AGAP3: variants seen among roughly 807,000 people sequenced by gnomAD.
The protein encoded by AGAP3 is arf-GAP with GTPase, ANK repeat and PH domain-containing protein 3.
Under a neutral mutation model 96.9 loss-of-function variants are expected in AGAP3, and 24 were observed. That is an observed-to-expected ratio of 0.25 (90% CI 0.18 to 0.35). The LOEUF is 0.35. Ranked by LOEUF, AGAP3 falls within the 10% of genes least tolerant of loss-of-function variation. The pLI is 1.00. For missense variants in AGAP3, 876 were observed against 1,254.2 expected, an observed-to-expected ratio of 0.70 and a Z score of 4.55; for synonymous variants, 563 against 536.1, an observed-to-expected ratio of 1.05 and a Z score of -0.69.
At position 151,118,358 on chromosome 7, in the gene AGAP3, CG is replaced by C. The variant is rs1394038501; in HGVS notation, c.841+17del. ...TCTTCCAGGACGGTAACTCGGGTGC[CG>C]GGTGGGAGTCACTGGCAGCCGCGGC... is the stretch of plus-strand genomic sequence containing the variant. On this transcript the variant is annotated intron_variant, in intron 6 of 17. Coordinates refer to ENST00000397238, the MANE Select transcript of AGAP3 (RefSeq NM_031946.7). This position sits in a 1 kb window ranked among gnomAD's most constrained non-coding sequence, Gnocchi z 6.1. 6.2e-7 allele frequency: 1 copy of C among 1,604,512 alleles called. No individual in the cohort carries two copies. The highest frequency in any genetic ancestry group is 8.5e-7 in the Non-Finnish European group (1 of 1,172,832).
intron 1 of AGAP3, among the ~76,000 whole-genome samples, chr7:151,104,722 C>T (rs951668182): frequency 4.6e-5 from 7 of 152,302 alleles, no homozygotes; most frequent in Non-Finnish European, 8.8e-5. Flanking sequence ...GGAAAAGTAA[C>T]GGCGTTATCC....
chr7:151,127,970 C>T (rs1800246074), intron 9 of AGAP3, among the ~76,000 whole-genome samples: 1 of 152,224 alleles, frequency 6.6e-6, no homozygotes, highest in Admixed American at 6.5e-5. Flanking sequence ...CATCCAGCCT[C>T]TGCGTTCAGC....
At chr7:151,087,708 G>A (rs991561427) in intron 1 of AGAP3, among the ~76,000 whole-genome samples, 1 of 152,260 alleles carries the variant, frequency 6.6e-6, no homozygotes, top group African/African-American at 2.4e-5. Context: ...TCTGGAGGCA[G>A]CTGCTGGGCA....
chr7:151,134,573 G>C lies in AGAP3; in HGVS notation c.1495+5G>C. On this transcript the variant is annotated splice_donor_5th_base_variant and intron_variant, in intron 11 of 17. Transcript: ENST00000397238. ...CACAGCTGGGTGGGGGCACAGGTGA[G>C]GCGGCTGCTGAGGTGGGGGCCTGGG... 1 of 1,599,746 alleles carries C rather than the reference G, an allele frequency of 6.3e-7. No homozygotes were observed. The highest frequency in any genetic ancestry group is 8.5e-7 in the Non-Finnish European group (1 of 1,171,384).
In AGAP3 at chr7:151,122,497, G is replaced by A. The variant is rs555346699; in HGVS notation, c.1129-1297G>A. ...GGCCTGTGTCTGCCCAGCAGGTGCC[G>A]CTGCCGCCCGCCGCCGCCGCCGCCT... is the stretch of plus-strand genomic sequence containing the variant. On this transcript the variant is annotated intron_variant, in intron 8 of 17. Transcript: ENST00000397238. 1.7e-4 allele frequency among the ~76,000 whole-genome samples: 26 copies of A among 150,082 alleles called. No individual in the cohort carries two copies. In the East Asian group the frequency reaches 4.9e-3, roughly 28 times the overall value.
At chr7:151,102,641 C>T (rs192218384) in intron 1 of AGAP3, among the ~76,000 whole-genome samples, 6 of 151,518 alleles carry the variant, frequency 4.0e-5, no homozygotes, top group East Asian at 1.9e-4. Context: ...GACAGGGTCT[C>T]GCTCTGTGGC....
In AGAP3 at chr7:151,108,906, G is replaced by A. The variant is rs143583393; in HGVS notation, c.332-7887G>A. 2.7e-3 allele frequency among the ~76,000 whole-genome samples: 405 copies of A among 152,286 alleles called. 3 individuals are homozygous for A. The highest frequency in any genetic ancestry group is 4.7e-3 in the Non-Finnish European group (319 of 68,010). ...ACCTGGAACCCATGGCAGGGATTAA[G>A]GGGACTCGGACCTCCTCAGAAAACA... is the stretch of plus-strand genomic sequence containing the variant. On this transcript the variant is annotated intron_variant, in intron 1 of 17. Coordinates refer to ENST00000397238, the MANE Select transcript of AGAP3 (RefSeq NM_031946.7). The surrounding 1 kb of genome is among the most constrained non-coding windows in gnomAD (Gnocchi z 4.2).
chr7:151,089,461 G>GGGC (rs902504842), intron 1 of AGAP3, among the ~76,000 whole-genome samples: 3 of 151,626 alleles, frequency 2.0e-5, no homozygotes, highest in African/African-American at 7.3e-5. Flanking sequence ...CGGTGGAAAG[G>GGGC]GGCGGCAGTT....
At position 151,117,368 on chromosome 7, in the gene AGAP3, T is replaced by C. The variant is rs1799644373; in HGVS notation, c.479-3T>C. On this transcript the variant is annotated splice_polypyrimidine_tract_variant and splice_region_variant and intron_variant, in intron 3 of 17. Coordinates refer to ENST00000397238, the MANE Select transcript of AGAP3 (RefSeq NM_031946.7). The stretch of plus-strand genomic sequence containing the variant: ...TTGGACCTGACTGCGCGCTCTGTCC[T>C]AGGGGGGCGGTTTAAGAAGGAGATT... The C allele has an allele frequency of 1.2e-6, 2 of 1,614,146 alleles. No individual in the cohort carries two copies. Among genetic ancestry groups the C allele is most frequent in the African/African-American group, 1.3e-5 (1 of 75,054 alleles).
rs1800752060 is a variant in AGAP3, at chr7:151,139,872, C to T, written c.1667-107C>T. 5.3e-6 allele frequency: 6 copies of T among 1,137,222 alleles called. No individual in the cohort carries two copies. The highest frequency in any genetic ancestry group is 7.0e-6 in the Non-Finnish European group (6 of 862,944). 70.4% of individuals were successfully genotyped at this position (1,137,222 alleles called of 1,614,324 possible). On this transcript the variant is annotated intron_variant, in intron 12 of 17. Coordinates refer to ENST00000397238, the MANE Select transcript of AGAP3 (RefSeq NM_031946.7). This position sits in a 1 kb window ranked among gnomAD's most constrained non-coding sequence, Gnocchi z 4.9. ...GTCCGTCTGGCTCTCCTGAGTGTGG[C>T]CCAGCTACAGTTGGCAGGACTGGTC... is the stretch of plus-strand genomic sequence containing the variant.
intron 8 of AGAP3, chr7:151,123,380 G>T: frequency 1.9e-6 from 2 of 1,064,696 alleles, no homozygotes; most frequent in South Asian, 3.1e-5. Context: ...GCCACGTGCC[G>T]TGTGGTGTCT....
chr7:151,087,029 G>A lies in AGAP3; in HGVS notation c.288G>A (p.Leu96=). Reference sequence around the variant, plus strand: ...ACCTGATCGAGCGCATCGAGGATTTGGCGCTGCAGAACCAGATCCGGGAGC... The same window carrying A: ...ACCTGATCGAGCGCATCGAGGATTTAGCGCTGCAGAACCAGATCCGGGAGC... ...IYDLIERIED[L]ALQNQIREHV... The change falls in exon 1 of 18, where the codon TTG becomes TTA. Residue 96 remains leucine, a synonymous_variant. Coordinates refer to ENST00000397238, the MANE Select transcript of AGAP3 (RefSeq NM_031946.7). The A allele has an allele frequency of 1.2e-6, 2 of 1,612,586 alleles. No homozygotes were observed. The highest frequency in any genetic ancestry group is 8.5e-7 in the Non-Finnish European group (1 of 1,179,370).
chr7:151,129,232 G>A (rs771091275), intron 10 of AGAP3, among the ~76,000 whole-genome samples: 129 of 150,658 alleles, frequency 8.6e-4, no homozygotes, highest in Middle Eastern at 6.8e-3. Flanking sequence ...TCCCCTCACC[G>A]CGTGGCTCCA....
At chr7:151,115,265 G>T in intron 1 of AGAP3, 1 of 1,002,408 alleles carries the variant, frequency 1.0e-6, no homozygotes, top group Non-Finnish European at 1.2e-6. Context: ...GGAGCAGCCA[G>T]CGCTGGCCAG....
At chr7:151,107,721 T>C (rs1271455792) in intron 1 of AGAP3, among the ~76,000 whole-genome samples, 1 of 152,228 alleles carries the variant, frequency 6.6e-6, no homozygotes, top group Non-Finnish European at 1.5e-5. Flanking sequence ...GAATGCATTT[T>C]AGAGGCTCAT....
rs34304383 is a variant in AGAP3 at position 151,090,236 on chromosome 7, TGG to T, written c.331+3175_331+3176del. On this transcript the variant is annotated intron_variant, in intron 1 of 17. Transcript: ENST00000397238. ...GGGATCCCTGCTGGCAGTTCCCAGATGGGGGGGGGGGGCTCCCGCCTGGAAGT... is the reference window on the plus strand; with the variant it reads ...GGGATCCCTGCTGGCAGTTCCCAGATGGGGGGGGGGCTCCCGCCTGGAAGT... 741 of 116,716 alleles carry T rather than the reference TGG, an allele frequency of 6.3e-3. 8 individuals carry two copies. The highest frequency in any genetic ancestry group is 0.018 in the African/African-American group (621 of 34,114). The allele number at this position is 116,716 out of a possible 1,614,324, so 7.2% of individuals were successfully genotyped here.
chr7:151,121,997 T>C (rs1212920411), intron 8 of AGAP3, among the ~76,000 whole-genome samples: 1 of 152,228 alleles, frequency 6.6e-6, no homozygotes, highest in Non-Finnish European at 1.5e-5. Context: ...TGTGACTTCA[T>C]GTGCTCATTT....
intron 1 of AGAP3, among the ~76,000 whole-genome samples, chr7:151,100,853 A>C (rs1798808606): frequency 6.6e-6 from 1 of 152,110 alleles, no homozygotes; most frequent in African/African-American, 2.4e-5. Context: ...AAAAATAATA[A>C]TAAAATAATA....
At position 151,086,716 on chromosome 7, in the gene AGAP3, G is replaced by C; in HGVS notation, c.-26G>C. On this transcript the variant is annotated 5_prime_UTR_variant, in exon 1 of 18. Coordinates refer to ENST00000397238, the MANE Select transcript of AGAP3 (RefSeq NM_031946.7). ...GCCTCCGCCGCGCCGCCCCGGGCCC[G>C]CCTCGGGCCCCACGGCTCCGAAGCC... 1 of 707,488 alleles carries C rather than the reference G, an allele frequency of 1.4e-6. No homozygotes were observed. The highest frequency in any genetic ancestry group is 1.7e-6 in the Non-Finnish European group (1 of 581,196). The allele number at this position is 707,488 out of a possible 1,614,324, so 43.8% of individuals were successfully genotyped here. A position where few individuals can be genotyped will look rare whatever the true frequency, so the allele number is the denominator to read the frequency against.
Sources: allele counts gnomAD v4.1 joint callset (sites outside exome capture counted in the v4.1 genomes callset), GRCh38; gene constraint gnomAD v4.1.1; non-coding constraint Gnocchi (gnomAD v3.1); transcripts MANE v1.5; gene names NCBI Gene and HGNC (gene_info 2026-07-23, HGNC 2026-07-21).